SUGCT: variants seen among roughly 807,000 people sequenced by gnomAD.
SUGCT encodes the protein succinyl-CoA:glutarate CoA-transferase.
In SUGCT, 41 loss-of-function variants were observed where a neutral mutation model predicts 55.0. The observed-to-expected ratio is 0.74, with a 90% CI of 0.58 to 0.97. SUGCT has a LOEUF of 0.97. SUGCT is among the 50% of genes least tolerant of loss of function. The pLI, the probability that SUGCT is intolerant of heterozygous loss-of-function variation, is 0.00. For synonymous variants in SUGCT, 187 were observed against 200.4 expected, an observed-to-expected ratio of 0.93 and a Z score of 0.56; for missense variants, 568 against 547.8, an observed-to-expected ratio of 1.04 and a Z score of -0.37.
intron 12 of SUGCT, among the ~76,000 whole-genome samples, chr7:40,612,469 G>A (rs1054791912): frequency 2.6e-5 from 4 of 152,138 alleles, no homozygotes; most frequent in Non-Finnish European, 4.4e-5. Flanking sequence ...GAAATATCAG[G>A]ACCTTGTCTT....
chr7:40,924,391 C>T, the SUGCT span, among the ~76,000 whole-genome samples: 2 of 151,916 alleles, frequency 1.3e-5, no homozygotes, highest in Admixed American at 6.6e-5. Context: ...AGGCATGCAC[C>T]AGCATGCACC....
At chr7:40,451,062 A>C (rs2151431594) in intron 10 of SUGCT, among the ~76,000 whole-genome samples, 1 of 152,096 alleles carries the variant, frequency 6.6e-6, no homozygotes, top group Middle Eastern at 3.4e-3. Flanking sequence ...GGGATCAAAG[A>C]ATCTTTATTA....
At chr7:40,272,093 C>CTATATA (rs1298207159) in intron 7 of SUGCT, among the ~76,000 whole-genome samples, 2 of 71,014 alleles carry the variant, frequency 2.8e-5, no homozygotes, top group East Asian at 6.5e-4. Flanking sequence ...CTCTCTCTCT[C>CTATATA]TCTATATATA....
chr7:40,145,543 C>A (rs1488196345), intron 1 of SUGCT, among the ~76,000 whole-genome samples: 3 of 148,338 alleles, frequency 2.0e-5, no homozygotes, highest in Non-Finnish European at 4.5e-5. Flanking sequence ...AATAACCGTT[C>A]TTTTCCAAAG....
chr7:40,162,283 A>C (rs1185827983), intron 1 of SUGCT, among the ~76,000 whole-genome samples: 1 of 152,154 alleles, frequency 6.6e-6, no homozygotes, highest in Non-Finnish European at 1.5e-5. Flanking sequence ...TCGCTTATGT[A>C]AATTTTATAC....
the SUGCT span, among the ~76,000 whole-genome samples, chr7:40,875,686 T>A: frequency 1.3e-5 from 2 of 152,334 alleles, no homozygotes; most frequent in Non-Finnish European, 2.9e-5. Flanking sequence ...TAGACAATAA[T>A]GCTAATAAAA....
the SUGCT span, among the ~76,000 whole-genome samples, chr7:41,021,031 G>A: frequency 1.3e-5 from 2 of 152,192 alleles, no homozygotes; most frequent in East Asian, 3.9e-4. Context: ...ACTGAGGCTG[G>A]CATTGAATTA....
At chr7:40,909,409 C>T in the SUGCT span, among the ~76,000 whole-genome samples, 3 of 152,134 alleles carry the variant, frequency 2.0e-5, no homozygotes, top group East Asian at 1.9e-4. Context: ...CCCCGGGGTT[C>T]GCTAGGCTCC....
chr7:40,596,817 GAC>G (rs1180306823), intron 12 of SUGCT, among the ~76,000 whole-genome samples: 2 of 152,112 alleles, frequency 1.3e-5, no homozygotes, highest in Non-Finnish European at 2.9e-5. Context: ...ACAGACTAGT[GAC>G]AGTCTTGGTA....
the SUGCT span, among the ~76,000 whole-genome samples, chr7:40,905,545 A>T: frequency 6.6e-6 from 1 of 152,150 alleles, no homozygotes; most frequent in Non-Finnish European, 1.5e-5. Context: ...TTTATTTTCT[A>T]CATTTCCCTC....
At chr7:40,272,113 G>GTTTCAAAAACAACTGCA (rs1562633477) in intron 7 of SUGCT, among the ~76,000 whole-genome samples, 1 of 93,174 alleles carries the variant, frequency 1.1e-5, no homozygotes, top group Non-Finnish European at 2.0e-5. Context: ...ATATATATAT[G>GTTTCAAAAACAACTGCA]GATGTTTCAA....
chr7:40,753,874 A>G (rs1027027506), intron 13 of SUGCT, among the ~76,000 whole-genome samples: 5 of 152,242 alleles, frequency 3.3e-5, no homozygotes, highest in Non-Finnish European at 7.3e-5. Flanking sequence ...TCAGCCATTT[A>G]GTACATTGTT....
the SUGCT span, among the ~76,000 whole-genome samples, chr7:40,941,088 C>A: frequency 1.3e-5 from 2 of 151,836 alleles, no homozygotes; most frequent in Admixed American, 1.3e-4. Flanking sequence ...TAAAGGGATG[C>A]TGGATCTTAT....
At chr7:40,809,174 T>C (rs1213178100) in intron 13 of SUGCT, among the ~76,000 whole-genome samples, 1 of 152,188 alleles carries the variant, frequency 6.6e-6, no homozygotes, top group Non-Finnish European at 1.5e-5. Flanking sequence ...TTTTCTCTTA[T>C]AAACAAGGTT....
the SUGCT span, among the ~76,000 whole-genome samples, chr7:41,038,505 C>T: frequency 6.6e-6 from 1 of 152,208 alleles, no homozygotes; most frequent in Non-Finnish European, 1.5e-5. Flanking sequence ...ATTTCACTTA[C>T]TCTTAATATA....
At chr7:40,244,582 T>A (rs1226765466) in intron 7 of SUGCT, among the ~76,000 whole-genome samples, 2 of 152,204 alleles carry the variant, frequency 1.3e-5, no homozygotes, top group Non-Finnish European at 2.9e-5. Flanking sequence ...TTGGCCCAAG[T>A]GTGCAGGATG....
chr7:40,613,613 A>AGTTTTTT (rs1332502316), intron 12 of SUGCT, among the ~76,000 whole-genome samples: 1 of 148,496 alleles, frequency 6.7e-6, no homozygotes, highest in African/African-American at 2.5e-5. Flanking sequence ...TCCTGCACCC[A>AGTTTTTT]ATTTTTTTTT....
the SUGCT span, among the ~76,000 whole-genome samples, chr7:40,937,668 A>T: frequency 6.6e-6 from 1 of 151,748 alleles, no homozygotes; most frequent in Non-Finnish European, 1.5e-5. Context: ...TCTAGCAACA[A>T]TTTTTTTTGT....
At chr7:40,701,117 C>A (rs1438016764) in intron 12 of SUGCT, among the ~76,000 whole-genome samples, 1 of 152,168 alleles carries the variant, frequency 6.6e-6, no homozygotes, top group African/African-American at 2.4e-5. Flanking sequence ...CTGGCTTCCT[C>A]CCCCTCCAGA....
Sources: gnomAD v4.1 joint callset for allele counts (sites outside exome capture counted in the v4.1 genomes callset) on GRCh38, gnomAD v4.1.1 for gene constraint, MANE v1.5 for transcripts, NCBI Gene and HGNC (gene_info 2026-07-23, HGNC 2026-07-21) for gene names.